Variants in JCAD observed in about 807,000 individuals in gnomAD.
JCAD encodes junctional cadherin 5-associated protein.
Under a neutral mutation model 98.0 loss-of-function variants are expected in JCAD, and 40 were observed. The ratio of observed to expected loss-of-function variants is 0.41; its 90% CI spans 0.32 to 0.53. The LOEUF (loss-of-function observed/expected upper bound fraction) is 0.53, where lower values mean the gene tolerates loss of function less well. Among genes scored for constraint, JCAD ranks in the 20% least tolerant of loss-of-function variants. The pLI, the probability that JCAD is intolerant of heterozygous loss-of-function variation, is 0.31. For missense variants in JCAD, 1,705 were observed against 1,738.1 expected (o/e 0.98, Z 0.34); for synonymous variants, 691 against 682.3 (o/e 1.01, Z -0.20).
Position 30,029,369 on chromosome 10 carries a change from G to A in JCAD, c.779C>T (p.Pro260Leu), listed in dbSNP as rs188764359. ...ATTTGGTGCGCAAGTGGGAGGATACGGTGGCATTTTAGGTGAATGTCTTTC... is the reference window on the plus strand; with the variant it reads ...ATTTGGTGCGCAAGTGGGAGGATACAGTGGCATTTTAGGTGAATGTCTTTC... ...LNERHSPKMP[P>L]YPPTCAPNLD... Residue 260 changes from proline to leucine, a missense_variant, in exon 3 of 4, where the codon CCG (proline) becomes CTG (leucine). Around this residue, in one of 3 missense-constraint regions of JCAD, gnomAD observed 275 missense variants for 346.9 expected, o/e 0.79. Coordinates refer to ENST00000375377, the MANE Select transcript of JCAD (RefSeq NM_020848.4). 7.0e-5 allele frequency: 113 copies of A among 1,614,092 alleles called. No homozygotes were observed. The highest frequency in any genetic ancestry group is 4.3e-4 in the African/African-American group (32 of 75,008).
chr10:30,057,186 G>T (rs1382764088), intron 1 of JCAD, among the ~76,000 whole-genome samples: 2 of 152,138 alleles, frequency 1.3e-5, no homozygotes, highest in African/African-American at 4.8e-5. Flanking sequence ...AATTAGCATG[G>T]AGTTTCGCCA....
intron 3 of JCAD, among the ~76,000 whole-genome samples, chr10:30,020,300 T>G (rs1159776374): frequency 7.0e-6 from 1 of 142,368 alleles, no homozygotes; most frequent in African/African-American, 2.6e-5. Context: ...GCACTCCAGC[T>G]TGGGCAACAG....
intron 1 of JCAD, among the ~76,000 whole-genome samples, chr10:30,081,730 C>A (rs1838090440): frequency 6.6e-6 from 1 of 152,168 alleles, no homozygotes; most frequent in South Asian, 2.1e-4. Flanking sequence ...CCGCACCTGG[C>A]CTCCTGAGCC....
At position 30,027,807 on chromosome 10, in the gene JCAD, G is replaced by A; in HGVS notation, c.2341C>T (p.Arg781Ter). 6.2e-7 allele frequency: 1 copy of A among 1,614,238 alleles called. No individual in the cohort carries two copies. Among genetic ancestry groups the A allele is most frequent in the Non-Finnish European group, 8.5e-7 (1 of 1,180,036 alleles). ...VDQAPTPKAG[R>*]SQPCVDVHGL... Reference sequence around the variant, plus strand: ...TGGACATCCACGCAGGGCTGACTTCGGCCTGCTTTTGGCGTCGGTGCCTGG... The same window carrying A: ...TGGACATCCACGCAGGGCTGACTTCAGCCTGCTTTTGGCGTCGGTGCCTGG... The change falls in exon 3 of 4, where the codon CGA becomes TGA. Residue 781 changes from arginine to a stop codon, truncating the protein, a stop_gained. Coordinates refer to ENST00000375377, the MANE Select transcript of JCAD (RefSeq NM_020848.4). LOFTEE classifies it high-confidence loss of function.
chr10:30,043,815 G>T (rs1238277929), intron 2 of JCAD, among the ~76,000 whole-genome samples: 1 of 152,246 alleles, frequency 6.6e-6, no homozygotes, highest in Admixed American at 6.5e-5. Context: ...TGGCAGCCCG[G>T]GGGGTGGGGA....
At chr10:30,109,959 T>G in intron 1 of JCAD, among the ~76,000 whole-genome samples, 1 of 152,098 alleles carries the variant, frequency 6.6e-6, no homozygotes, top group East Asian at 1.9e-4. Flanking sequence ...CCAGCTCATG[T>G]ATGGACCCCC....
In JCAD at chr10:30,027,924, T is replaced by C. The variant is rs780281975; in HGVS notation, c.2224A>G (p.Lys742Glu). 2.5e-6 allele frequency: 4 copies of C among 1,614,228 alleles called. No individual in the cohort carries two copies. Among genetic ancestry groups the C allele is most frequent in the Non-Finnish European group, 3.4e-6 (4 of 1,180,034 alleles). Reference protein sequence around the residue: ...THTAFPTGDHKQRPSARNLKG... With the variant: ...THTAFPTGDHEQRPSARNLKG... ...AGGTTACGGGCACTTGGCCTCTGTT[T>C]GTGATCACCGGTAGGGAATGCTGTG... Residue 742 changes from lysine (K) to glutamate (E), a missense_variant, in exon 3 of 4, where the codon AAA becomes GAA. Around this residue, in one of 3 missense-constraint regions of JCAD, gnomAD observed 1,278 missense variants for 1,243.1 expected, o/e 1.03. Coordinates refer to ENST00000375377, the MANE Select transcript of JCAD (RefSeq NM_020848.4).
At chr10:30,062,133 T>G (rs142282779), upstream of JCAD, among the ~76,000 whole-genome samples, 667 of 152,308 alleles carry the variant, frequency 4.4e-3, 7 homozygotes, top group South Asian at 0.046. Context: ...GGAGCTAAGC[T>G]AAACCAAACC....
At chr10:30,065,703 G>A (rs1837773011) in intron 2 of JCAD, among the ~76,000 whole-genome samples, 1 of 151,976 alleles carries the variant, frequency 6.6e-6, no homozygotes, top group Non-Finnish European at 1.5e-5. Flanking sequence ...CTCTCCCTGT[G>A]TTGCCCAGTC....
intron 2 of JCAD, among the ~76,000 whole-genome samples, chr10:30,067,868 C>A (rs1837812776): frequency 6.6e-6 from 1 of 152,184 alleles, no homozygotes; most frequent in Non-Finnish European, 1.5e-5. Flanking sequence ...CTACTGCATA[C>A]CTAGGCTACG....
At chr10:30,073,647 G>GTCCTTCCT (rs60380450) in intron 1 of JCAD, among the ~76,000 whole-genome samples, 13,039 of 138,320 alleles carry the variant, frequency 0.094, 866 homozygotes, top group African/African-American at 0.16. Context: ...TAGCAAGATT[G>GTCCTTCCT]TCCTTCCTTC....
At chr10:30,029,911 T>C in intron 2 of JCAD, 45 bp from the exon 3 acceptor site, 2 of 1,545,250 alleles carry the variant, frequency 1.3e-6, no homozygotes, top group African/African-American at 1.4e-5. Flanking sequence ...AAGAAACATG[T>C]CTTCATCTGC....
Position 30,047,608 on chromosome 10 carries a change from A to C in JCAD, c.205T>G (p.Ser69Ala), listed in dbSNP as rs764624502. ...CTCGGTGTGCTGCGGCGGCTTTCGG[A>C]GTCACTCACATGTCCTTTCCCCGCG... The part of the protein sequence containing the change: ...TSAGKGHVSD[S>A]ESRRSTPRGH... Residue 69 changes from serine (S) to alanine (A), a missense_variant, in exon 2 of 4, where the codon TCC becomes GCC. This residue lies in a region of JCAD where 152 missense variants were observed against 148.0 expected (regional missense o/e 1.03). Transcript: ENST00000375377. The C allele has an allele frequency of 1.2e-6, 2 of 1,614,080 alleles. No individual in the cohort carries two copies. Among genetic ancestry groups the C allele is most frequent in the Non-Finnish European group, 1.7e-6 (2 of 1,180,002 alleles).
chr10:30,074,044 G>C (rs964327363), intron 1 of JCAD, among the ~76,000 whole-genome samples: 1 of 152,154 alleles, frequency 6.6e-6, no homozygotes, highest in Non-Finnish European at 1.5e-5. Context: ...TGTGTGTGAA[G>C]AGGGCAGTAA....
intron 2 of JCAD, among the ~76,000 whole-genome samples, chr10:30,066,660 C>G (rs1837789668): frequency 6.6e-6 from 1 of 152,202 alleles, no homozygotes; most frequent in Non-Finnish European, 1.5e-5. Flanking sequence ...GCCTCTCCCA[C>G]CATTCCATAC....
At chr10:30,051,641 T>C (rs1837473838) in intron 1 of JCAD, among the ~76,000 whole-genome samples, 1 of 152,154 alleles carries the variant, frequency 6.6e-6, no homozygotes, top group African/African-American at 2.4e-5. Context: ...TTAATTTGAA[T>C]AGACAACAGC....
At chr10:30,113,076 C>T (rs866845394) in intron 1 of JCAD, among the ~76,000 whole-genome samples, 1 of 152,084 alleles carries the variant, frequency 6.6e-6, no homozygotes, top group African/African-American at 2.4e-5. Flanking sequence ...GTACACTTTA[C>T]AAATGGTTAA....
At chr10:30,072,931 C>T (rs1211117315) in intron 1 of JCAD, among the ~76,000 whole-genome samples, 1 of 152,218 alleles carries the variant, frequency 6.6e-6, no homozygotes, top group Non-Finnish European at 1.5e-5. Context: ...AACCACCGCA[C>T]CCAGCCACAA....
At chr10:30,096,349 A>G (rs1838368304) in intron 1 of JCAD, among the ~76,000 whole-genome samples, 1 of 152,224 alleles carries the variant, frequency 6.6e-6, no homozygotes, top group Admixed American at 6.5e-5. Context: ...AAGATGTGGA[A>G]AATGCTACCT....
Sources: allele counts gnomAD v4.1 joint callset (sites outside exome capture counted in the v4.1 genomes callset), GRCh38; gene constraint gnomAD v4.1.1; regional missense constraint gnomAD v4.1.1; transcripts MANE v1.5; gene names NCBI Gene and HGNC (gene_info 2026-07-23, HGNC 2026-07-21).